Variants in ANAPC10 observed in about 807,000 individuals in gnomAD.
ANAPC10 encodes the protein anaphase-promoting complex subunit 10.
Under a neutral mutation model 22.0 loss-of-function variants are expected in ANAPC10, and 12 were observed. The observed-to-expected ratio is 0.55, with a 90% CI of 0.35 to 0.88. The LOEUF (loss-of-function observed/expected upper bound fraction) is 0.88, where lower values mean the gene tolerates loss of function less well. ANAPC10 is among the 40% of genes least tolerant of loss of function. The pLI is 0.01. For missense variants in ANAPC10, 188 were observed against 220.9 expected (o/e 0.85, Z 0.94); for synonymous variants, 65 against 69.5 (o/e 0.94, Z 0.32).
At chr4:145,046,590 A>C (rs776343240) in intron 4 of ANAPC10, among the ~76,000 whole-genome samples, 8 of 152,080 alleles carry the variant, frequency 5.3e-5, no homozygotes, top group Non-Finnish European at 7.4e-5. Context: ...TAAAATTGCT[A>C]AATTCTTGCT....
chr4:145,014,490 T>C (rs1560823794), intron 4 of ANAPC10, among the ~76,000 whole-genome samples: 4 of 151,900 alleles, frequency 2.6e-5, no homozygotes, highest in African/African-American at 9.7e-5. Flanking sequence ...TACCTGATGG[T>C]CCTTCCCTAT....
chr4:145,069,464 A>G (rs947784602), intron 3 of ANAPC10, among the ~76,000 whole-genome samples: 6 of 152,230 alleles, frequency 3.9e-5, no homozygotes, highest in Non-Finnish European at 8.8e-5. Flanking sequence ...TGGGGAAAGA[A>G]CAATTACTGG....
intron 4 of ANAPC10, among the ~76,000 whole-genome samples, chr4:145,016,053 C>G (rs1223524826): frequency 6.6e-6 from 1 of 152,160 alleles, no homozygotes; most frequent in Non-Finnish European, 1.5e-5. Context: ...CCTTTGAAAA[C>G]TGGCACGAGA....
At chr4:145,065,954 G>A (rs1350293459) in intron 3 of ANAPC10, among the ~76,000 whole-genome samples, 2 of 151,776 alleles carry the variant, frequency 1.3e-5, no homozygotes, top group African/African-American at 4.8e-5. Context: ...TTTTCAGAAT[G>A]AGCATGTGCT....
chr4:145,010,798 A>G (rs1239599051), intron 4 of ANAPC10, among the ~76,000 whole-genome samples: 2 of 152,114 alleles, frequency 1.3e-5, no homozygotes, highest in Non-Finnish European at 2.9e-5. Flanking sequence ...CGTTGTGCAC[A>G]TGTACCCTAG....
intron 4 of ANAPC10, among the ~76,000 whole-genome samples, chr4:145,056,715 T>C (rs1057463696): frequency 1.3e-5 from 2 of 152,162 alleles, no homozygotes; most frequent in African/African-American, 4.8e-5. Context: ...ATGCCTACTG[T>C]TTCAGACACT....
chr4:145,045,673 T>C (rs1740191693), intron 4 of ANAPC10, among the ~76,000 whole-genome samples: 1 of 152,076 alleles, frequency 6.6e-6, no homozygotes, highest in Admixed American at 6.6e-5. Context: ...GTATACGTGA[T>C]CTTCTACACA....
At chr4:145,012,525 A>G (rs1276003526) in intron 4 of ANAPC10, among the ~76,000 whole-genome samples, 1 of 152,108 alleles carries the variant, frequency 6.6e-6, no homozygotes, top group Non-Finnish European at 1.5e-5. Flanking sequence ...AGAATTCATC[A>G]GATTCATTTA....
chr4:145,031,167 G>C (rs1410131143), intron 4 of ANAPC10, among the ~76,000 whole-genome samples: 1 of 152,128 alleles, frequency 6.6e-6, no homozygotes, highest in Non-Finnish European at 1.5e-5. Context: ...TCAACTCTCT[G>C]GCTTTGTGTC....
Position 145,087,365 on chromosome 4 carries a change from C to CT in ANAPC10, c.116-5616dup, listed in dbSNP as rs1174169751. ...ACATTTGCTAAGGGGCTGTTTTTTT[C>CT]TTTTTTTTTGAGACAGGGTCTCATT... On this transcript the variant is annotated intron_variant, in intron 2 of 4. Transcript: ENST00000507656. Among the ~76,000 whole-genome samples, 740 of 151,254 alleles carry CT rather than the reference C, an allele frequency of 4.9e-3. 7 individuals are homozygous for CT. Among genetic ancestry groups the CT allele is most frequent in the African/African-American group, 0.016 (660 of 41,270 alleles).
intron 4 of ANAPC10, among the ~76,000 whole-genome samples, chr4:145,052,433 A>C (rs1224207094): frequency 2.0e-5 from 3 of 152,158 alleles, no homozygotes; most frequent in Non-Finnish European, 4.4e-5. Context: ...ACACTAGCCT[A>C]ACCAGTTTAC....
intron 4 of ANAPC10, among the ~76,000 whole-genome samples, chr4:145,008,403 A>G (rs1186055031): frequency 6.6e-6 from 1 of 152,208 alleles, no homozygotes; most frequent in Non-Finnish European, 1.5e-5. Flanking sequence ...TTTTAGACCA[A>G]TATCCCTGAT....
At chr4:145,030,992 G>A (rs1367910737) in intron 4 of ANAPC10, among the ~76,000 whole-genome samples, 2 of 152,132 alleles carry the variant, frequency 1.3e-5, no homozygotes, top group African/African-American at 2.4e-5. Flanking sequence ...ACCAGATGTG[G>A]TTTCATTGCT....
At chr4:145,013,982 C>A (rs1184468476) in intron 4 of ANAPC10, among the ~76,000 whole-genome samples, 1 of 152,038 alleles carries the variant, frequency 6.6e-6, no homozygotes, top group African/African-American at 2.4e-5. Flanking sequence ...TCACAGGGAT[C>A]CTTCAGGAGG....
At chr4:145,086,956 G>A (rs984491579) in intron 2 of ANAPC10, among the ~76,000 whole-genome samples, 1 of 151,822 alleles carries the variant, frequency 6.6e-6, no homozygotes, top group South Asian at 2.1e-4. Flanking sequence ...GGAGGGATAC[G>A]ATTCTGCACT....
intron 4 of ANAPC10, among the ~76,000 whole-genome samples, chr4:144,996,869 T>C (rs1386032490): frequency 6.6e-6 from 1 of 151,986 alleles, no homozygotes; most frequent in Non-Finnish European, 1.5e-5. Flanking sequence ...CTAACTAGAA[T>C]AAACAGCAAA....
intron 4 of ANAPC10, 67 bp downstream of exon 4, chr4:145,064,505 A>G: frequency 7.5e-7 from 1 of 1,327,986 alleles, no homozygotes; most frequent in Non-Finnish European, 1.0e-6. Flanking sequence ...TGTAATGTCA[A>G]CTGTGACTAT....
chr4:145,016,861 G>A (rs1207387216), intron 4 of ANAPC10, among the ~76,000 whole-genome samples: 1 of 152,172 alleles, frequency 6.6e-6, no homozygotes, highest in Non-Finnish European at 1.5e-5. Flanking sequence ...ACAAAAACAA[G>A]AAATGGGGAA....
At chr4:145,019,328 A>G (rs906409293) in intron 4 of ANAPC10, among the ~76,000 whole-genome samples, 1 of 152,228 alleles carries the variant, frequency 6.6e-6, no homozygotes, top group African/African-American at 2.4e-5. Flanking sequence ...TGGAAATTAA[A>G]TAACCTGCTC....
Sources: allele counts gnomAD v4.1 joint callset (sites outside exome capture counted in the v4.1 genomes callset), GRCh38; gene constraint gnomAD v4.1.1; transcripts MANE v1.5; gene names NCBI Gene and HGNC (gene_info 2026-07-23, HGNC 2026-07-21).